Variants in ESPNL observed in about 807,000 individuals in gnomAD.
The protein encoded by ESPNL is espin like.
ESPNL carries 49 observed loss-of-function variants against 46.8 expected under a neutral mutation model. The observed-to-expected ratio is 1.05, with a 90% CI of 0.83 to 1.33. The LOEUF (loss-of-function observed/expected upper bound fraction) is 1.33. Among genes scored for constraint, ESPNL ranks in the 40% most tolerant of loss-of-function variants. ESPNL has a pLI of 0.00. For missense variants in ESPNL, 1,540 were observed against 1,436.6 expected, an observed-to-expected ratio of 1.07 and a Z score of -1.16; for synonymous variants, 664 against 662.1, an observed-to-expected ratio of 1.00 and a Z score of -0.04.
intron 7 of ESPNL, 60 bp downstream of exon 7, chr2:238,127,794 T>A: frequency 1.5e-6 from 2 of 1,319,664 alleles, no homozygotes; most frequent in Non-Finnish European, 1.1e-6. Context: ...TCCATTCCCA[T>A]CCTCTTAGGG....
At chr2:238,113,471 G>A (rs1691753839) in intron 4 of ESPNL, among the ~76,000 whole-genome samples, 2 of 152,130 alleles carry the variant, frequency 1.3e-5, no homozygotes, top group South Asian at 4.1e-4. Flanking sequence ...AGTTCTCAGA[G>A]CTTTATTTCT....
chr2:238,130,564 A>C lies in ESPNL; in HGVS notation c.1850A>C (p.Asp617Ala). The change falls in exon 9 of 9, where the codon GAT (aspartate) becomes GCT (alanine). Residue 617 changes from aspartate (D) to alanine (A), a missense_variant. Transcript: ENST00000343063. ...GGCGTGCATGGGCTAGTACAGGGGG[A>C]TGAGAAGCCATCCACCCGGCCCCTG... ...LKGVHGLVQG[D>A]EKPSTRPLQD... 1 of 1,583,526 alleles carries C rather than the reference A, an allele frequency of 6.3e-7. No homozygotes were observed. The highest frequency in any genetic ancestry group is 1.1e-5 in the South Asian group (1 of 87,080).
Position 238,127,708 on chromosome 2 carries a change from A to T in ESPNL, c.1189A>T (p.Ile397Phe). The T allele has an allele frequency of 6.2e-7, 1 of 1,611,486 alleles. No individual in the cohort carries two copies. Among genetic ancestry groups the T allele is most frequent in the Non-Finnish European group, 8.5e-7 (1 of 1,179,168 alleles). Reference protein sequence around the residue: ...QMTSPAPPRIITSATADPEGT... With the variant: ...QMTSPAPPRIFTSATADPEGT... The stretch of plus-strand genomic sequence containing the variant: ...GACCAGCCCGGCCCCTCCGAGGATC[A>T]TCACCAGTGCCACGGCTGACCCCGA... The change falls in exon 7 of 9, where the codon ATC becomes TTC. Residue 397 changes from isoleucine (I) to phenylalanine (F), a missense_variant. Physicochemically the swap from Ile to Phe is conservative, Grantham distance 21. Transcript: ENST00000343063.
intron 3 of ESPNL, among the ~76,000 whole-genome samples, chr2:238,106,973 G>A (rs1263438744): frequency 6.6e-6 from 1 of 152,242 alleles, no homozygotes; most frequent in Non-Finnish European, 1.5e-5. Flanking sequence ...CACACCGAAG[G>A]CGACGGGCTG....
rs1053409455 is a variant in ESPNL, at chr2:238,130,354, G to C, written c.1640G>C (p.Ser547Thr). The change falls in exon 9 of 9, where the codon AGC becomes ACC. Residue 547 changes from serine to threonine, a missense_variant. By Grantham distance (58) the Ser-to-Thr change is moderately conservative. Transcript: ENST00000343063. ...GCCCTGCTGCCCGAGCCCCTGGTCA[G>C]CATCACGGTCAACAGCCACTTCCTG... ...LQALLPEPLV[S>T]ITVNSHFLPR... The C allele has an allele frequency of 3.7e-6, 6 of 1,609,986 alleles. No homozygotes were observed. In the East Asian group the frequency reaches 1.3e-4, roughly 36 times the overall value.
chr2:238,124,061 G>A (rs1375145783), intron 5 of ESPNL, among the ~76,000 whole-genome samples: 2 of 152,344 alleles, frequency 1.3e-5, no homozygotes, highest in African/African-American at 4.8e-5. Context: ...CCCTGCATTC[G>A]GAAAGGAGAA....
In ESPNL at chr2:238,113,919, G is replaced by A. The variant is rs1024685633; in HGVS notation, c.856-2984G>A. Among the ~76,000 whole-genome samples, 7 of 152,102 alleles carry A rather than the reference G, an allele frequency of 4.6e-5. No homozygotes were observed. The East Asian group carries it at 7.7e-4, about 17-fold the overall frequency. On this transcript the variant is annotated intron_variant, in intron 4 of 8. Transcript: ENST00000343063. ...AGCAGTTCTGAGTGCTGGGCTCCCC[G>A]ACACCCCTCACCCCCCAGGCTTTCC...
At chr2:238,108,406 G>A (rs1020107836) in intron 4 of ESPNL, among the ~76,000 whole-genome samples, 2 of 114,546 alleles carry the variant, frequency 1.7e-5, no homozygotes, top group African/African-American at 5.8e-5. Context: ...AAAACCCCAC[G>A]TAGGCAGGGA....
At chr2:238,111,533 G>C (rs932293749) in intron 4 of ESPNL, among the ~76,000 whole-genome samples, 5 of 152,170 alleles carry the variant, frequency 3.3e-5, no homozygotes, top group African/African-American at 1.2e-4. Context: ...AAGTGGAATT[G>C]TACAGTATTT....
At chr2:238,122,889 G>A (rs967075819) in intron 5 of ESPNL, among the ~76,000 whole-genome samples, 4 of 152,224 alleles carry the variant, frequency 2.6e-5, no homozygotes, top group South Asian at 4.1e-4. Flanking sequence ...TTTTCTGGCC[G>A]CGTCTGGTCT....
In ESPNL at chr2:238,130,924, G is replaced by T. The variant is rs772056400; in HGVS notation, c.2210G>T (p.Arg737Leu). The T allele has an allele frequency of 1.3e-6, 2 of 1,548,746 alleles. No individual in the cohort carries two copies. The highest frequency in any genetic ancestry group is 1.2e-5 in the South Asian group (1 of 84,224). The change falls in exon 9 of 9, where the codon CGC becomes CTC. Residue 737 changes from arginine to leucine, a missense_variant. Transcript: ENST00000343063. The stretch of plus-strand genomic sequence containing the variant: ...GCCGGCCCAGACCTGGCCAGCCTGC[G>T]CAAGGAGCGCATCATCATGCTCTTC... ...AAAGPDLASLRKERIIMLFLS... is the reference protein window; with the variant it reads ...AAAGPDLASLLKERIIMLFLS...
intron 4 of ESPNL, among the ~76,000 whole-genome samples, chr2:238,112,199 GCTTT>G (rs35159151): frequency 0.16 from 24,888 of 151,422 alleles, 2,172 homozygotes; most frequent in East Asian, 0.24. Flanking sequence ...AACTACTAGG[GCTTT>G]CTATTTTTTA....
intron 8 of ESPNL, 43 bp downstream of exon 8, chr2:238,128,947 CT>C: frequency 4.6e-6 from 7 of 1,508,810 alleles, no homozygotes; most frequent in Non-Finnish European, 5.3e-6. Context: ...GGGGCGGGGC[CT>C]TTTCCAGGTA....
At chr2:238,115,115 T>A (rs1439470953) in intron 4 of ESPNL, among the ~76,000 whole-genome samples, 2 of 152,162 alleles carry the variant, frequency 1.3e-5, no homozygotes, top group Non-Finnish European at 2.9e-5. Context: ...CTGGAGCTGA[T>A]CTTGCGGCGG....
Position 238,128,879 on chromosome 2 carries a change from GCGCAGAGAGCTC to G in ESPNL, c.1396_1407del (p.Ser466_Glu469del). 6.5e-7 allele frequency: 1 copy of G among 1,544,274 alleles called. No homozygotes were observed. The highest frequency in any genetic ancestry group is 8.7e-7 in the Non-Finnish European group (1 of 1,146,394). On this transcript the variant is annotated inframe_deletion, in exon 8 of 9. Coordinates refer to ENST00000343063, the MANE Select transcript of ESPNL (RefSeq NM_194312.4). ...GTGCGGAAGCTGCAGGCGCGCCTGG[GCGCAGAGAGCTC>G]CGCAGAGGCCCAGGTAGGCCCCCGG...
chr2:238,106,314 G>T (rs1691597932), intron 3 of ESPNL, among the ~76,000 whole-genome samples: 2 of 152,190 alleles, frequency 1.3e-5, no homozygotes, highest in African/African-American at 4.8e-5. Context: ...TGAGGCCCTT[G>T]GGACGGGTCC....
chr2:238,108,671 G>C (rs1691654665), intron 4 of ESPNL, among the ~76,000 whole-genome samples: 1 of 152,166 alleles, frequency 6.6e-6, no homozygotes, highest in Non-Finnish European at 1.5e-5. Flanking sequence ...AGGCTGCTCA[G>C]TCGGGAGCCA....
rs1691563673 is a variant in ESPNL at position 238,104,938 on chromosome 2, T to C, written c.672+96T>C. Reference sequence around the variant, plus strand: ...CCTGGATGGGGGCTCCAGAGGGAACTGGGGACACGCAGGGCTGTTGGGGCA... The same window carrying C: ...CCTGGATGGGGGCTCCAGAGGGAACCGGGGACACGCAGGGCTGTTGGGGCA... On this transcript the variant is annotated intron_variant, in intron 3 of 8. Coordinates refer to ENST00000343063, the MANE Select transcript of ESPNL (RefSeq NM_194312.4). The C allele has an allele frequency of 2.7e-6, 3 of 1,129,692 alleles. No homozygotes were observed. In the Admixed American group the frequency reaches 9.6e-5, roughly 36 times the overall value. 70.0% of individuals were successfully genotyped at this position (1,129,692 alleles called of 1,614,324 possible).
intron 5 of ESPNL, among the ~76,000 whole-genome samples, chr2:238,123,957 T>G (rs1234641582): frequency 6.6e-6 from 1 of 152,152 alleles, no homozygotes; most frequent in African/African-American, 2.4e-5. Flanking sequence ...TGCCACCTTG[T>G]CCATGAGCAA....
Sources: gnomAD v4.1 joint callset for allele counts (sites outside exome capture counted in the v4.1 genomes callset) on GRCh38, gnomAD v4.1.1 for gene constraint, MANE v1.5 for transcripts, NCBI Gene and HGNC (gene_info 2026-07-23, HGNC 2026-07-21) for gene names.